The following KIAA0586 variants were observed in gnomAD, a reference collection of about 807,000 sequenced individuals.
KIAA0586 encodes KIAA0586.
KIAA0586 carries 144 observed loss-of-function variants against 169.8 expected under a neutral mutation model. The observed-to-expected ratio is 0.85, with a 90% CI of 0.74 to 0.97. The LOEUF is 0.97. KIAA0586 is among the 50% of genes least tolerant of loss of function. The pLI is 0.00. For missense variants in KIAA0586, 1,854 were observed against 1,823.0 expected, an observed-to-expected ratio of 1.02 and a Z score of -0.31; for synonymous variants, 625 against 612.4, an observed-to-expected ratio of 1.02 and a Z score of -0.30.
intron 14 of KIAA0586, among the ~76,000 whole-genome samples, chr14:58,462,027 T>C (rs374831495): frequency 6.6e-6 from 1 of 152,236 alleles, no homozygotes; most frequent in Non-Finnish European, 1.5e-5. Context: ...TGATAACTAG[T>C]AGATACAAAC....
Position 58,442,822 on chromosome 14 carries a change from C to G in KIAA0586, c.527C>G (p.Ala176Gly), listed in dbSNP as rs759270373. The part of the protein sequence containing the change: ...TRISPSGIDS[A>G]TTVAAATAAA... ...ATTTCACCCAGTGGAATTGATTCAG[C>G]TACAACCGTGGCTGCAGCAACTGCT... is the stretch of plus-strand genomic sequence containing the variant. The change falls in exon 5 of 31, where the codon GCT (alanine) becomes GGT (glycine). Residue 176 changes from alanine to glycine, a missense_variant. Ala to Gly is a moderately conservative substitution (Grantham distance 60, BLOSUM62 0). Transcript: ENST00000652326. 1.9e-6 allele frequency: 3 copies of G among 1,610,790 alleles called. No individual in the cohort carries two copies. In the East Asian group the frequency reaches 6.7e-5, roughly 36 times the overall value.
At chr14:58,557,901 C>CTT in the KIAA0586 span, among the ~76,000 whole-genome samples, 1,135 of 42,486 alleles carry the variant, frequency 0.027, 298 homozygotes, top group Middle Eastern at 0.065. Flanking sequence ...CCTGAGAAAT[C>CTT]TTTTTTTTTT....
chr14:58,435,320 C>G (rs1158825770), intron 4 of KIAA0586, among the ~76,000 whole-genome samples: 1 of 151,880 alleles, frequency 6.6e-6, no homozygotes, highest in African/African-American at 2.4e-5. Flanking sequence ...CATTTTATGC[C>G]CATATCTTCT....
chr14:58,518,225 A>G (rs1325967225), intron 29 of KIAA0586, among the ~76,000 whole-genome samples: 2 of 152,196 alleles, frequency 1.3e-5, no homozygotes, highest in East Asian at 3.8e-4. Flanking sequence ...TGTTGTTAAA[A>G]GGTGTGTAAA....
chr14:58,461,152 G>C lies in KIAA0586; in HGVS notation c.2051G>C (p.Arg684Pro), dbSNP rs547990270. Residue 684 changes from arginine (R) to proline (P), a missense_variant, in exon 14 of 31, where the codon CGA becomes CCA. Arg to Pro is a moderately radical substitution (Grantham distance 103). Coordinates refer to ENST00000652326, the MANE Select transcript of KIAA0586 (RefSeq NM_001329943.3). ...CCACAGAGACCAAAAGTAATAGAAC[G>C]AGTTAAAGGTAAGGAATCTCATTTT... ...SRPQRPKVIERVKGTKVKSIR... is the reference protein window; with the variant it reads ...SRPQRPKVIEPVKGTKVKSIR... 6.4e-7 allele frequency: 1 copy of C among 1,565,828 alleles called. No homozygotes were observed. The highest frequency in any genetic ancestry group is 1.4e-5 in the African/African-American group (1 of 72,064).
chr14:58,490,115 A>G, intron 24 of KIAA0586, 49 bp from the exon 25 acceptor site: 5 of 886,776 alleles, frequency 5.6e-6, no homozygotes, highest in East Asian at 2.9e-5. Context: ...ATTATTTACT[A>G]AGTTTGTGTT....
chr14:58,430,863 A>G (rs1460322707), intron 3 of KIAA0586, 146 bp downstream of exon 3: 2 of 568,892 alleles, frequency 3.5e-6, no homozygotes, highest in East Asian at 6.1e-5. Context: ...GAGCTTTGTC[A>G]TCTCTCCCAA....
At chr14:58,557,997 C>T in the KIAA0586 span, among the ~76,000 whole-genome samples, 3 of 141,676 alleles carry the variant, frequency 2.1e-5, no homozygotes, top group Non-Finnish European at 4.5e-5. Flanking sequence ...AAAACCTCCA[C>T]CTATCGGGTT....
chr14:58,490,272 T>A, intron 25 of KIAA0586, 32 bp downstream of exon 25: 1 of 1,226,504 alleles, frequency 8.2e-7, no homozygotes, highest in Non-Finnish European at 1.1e-6. Flanking sequence ...CACTGAATTC[T>A]GACAGGAAGA....
At chr14:58,500,459 A>G (rs2043483289) in intron 27 of KIAA0586, among the ~76,000 whole-genome samples, 1 of 152,146 alleles carries the variant, frequency 6.6e-6, no homozygotes, top group Non-Finnish European at 1.5e-5. Context: ...GTAATCCAGC[A>G]CTTTGGGAGG....
chr14:58,534,662 A>G lies in KIAA0586; in HGVS notation c.4430-5409A>G, dbSNP rs140818034. The stretch of plus-strand genomic sequence containing the variant: ...TGCACTGGTATTTCAAGGTTTTAGG[A>G]AAAAAAAATAGAAAGGAATTCATCT... On this transcript the variant is annotated intron_variant, in intron 29 of 30. Coordinates refer to ENST00000652326, the MANE Select transcript of KIAA0586 (RefSeq NM_001329943.3). Among the ~76,000 whole-genome samples, 71 of 151,234 alleles carry G rather than the reference A, an allele frequency of 4.7e-4. No individual in the cohort carries two copies. The East Asian group carries it at 0.01, about 22-fold the overall frequency.
rs370569855 is a variant in KIAA0586 at position 58,490,248 on chromosome 14, A to G, written c.3858+8A>G. The G allele has an allele frequency of 4.1e-6, 6 of 1,474,902 alleles. No homozygotes were observed. Among genetic ancestry groups the G allele is most frequent in the Non-Finnish European group, 5.5e-6 (6 of 1,087,626 alleles). The allele number at this position is 1,474,902 out of a possible 1,614,324, so 91.4% of individuals were successfully genotyped here. A position where few individuals can be genotyped will look rare whatever the true frequency, so the allele number is the denominator to read the frequency against. On this transcript the variant is annotated splice_region_variant and intron_variant, in intron 25 of 30. Coordinates refer to ENST00000652326, the MANE Select transcript of KIAA0586 (RefSeq NM_001329943.3). Reference sequence around the variant, plus strand: ...CATGATGCCGTTGAAATGGTAAGTAACGATTGACTCCAACACTGAATTCTG... The same window carrying G: ...CATGATGCCGTTGAAATGGTAAGTAGCGATTGACTCCAACACTGAATTCTG...
chr14:58,538,402 A>G (rs552464268), intron 29 of KIAA0586, among the ~76,000 whole-genome samples: 1 of 152,094 alleles, frequency 6.6e-6, no homozygotes, highest in South Asian at 2.1e-4. Flanking sequence ...ATAAAAATCC[A>G]CCCAAAAATT....
intron 29 of KIAA0586, among the ~76,000 whole-genome samples, chr14:58,529,175 T>C (rs1282282938): frequency 4.6e-5 from 7 of 152,148 alleles, no homozygotes; most frequent in Admixed American, 4.6e-4. Flanking sequence ...AATCCCTGAA[T>C]AGATCAATAA....
intron 4 of KIAA0586, among the ~76,000 whole-genome samples, chr14:58,442,432 G>C (rs1156733639): frequency 6.6e-6 from 1 of 152,074 alleles, no homozygotes; most frequent in African/African-American, 2.4e-5. Context: ...TGTACTTCTT[G>C]AAAATGTCTT....
chr14:58,554,955 G>C (rs1180990933), downstream of KIAA0586, among the ~76,000 whole-genome samples: 1 of 152,058 alleles, frequency 6.6e-6, no homozygotes, highest in African/African-American at 2.4e-5. Context: ...TGTTAGGAGA[G>C]AAATTCTGCA....
chr14:58,531,105 C>A (rs1318605501), intron 29 of KIAA0586, among the ~76,000 whole-genome samples: 3 of 150,100 alleles, frequency 2.0e-5, no homozygotes, highest in Non-Finnish European at 3.0e-5. Context: ...ATCACGAGGT[C>A]AGGAGATGGA....
intron 2 of KIAA0586, among the ~76,000 whole-genome samples, chr14:58,430,191 T>G (rs920310801): frequency 2.0e-5 from 3 of 151,940 alleles, no homozygotes; most frequent in African/African-American, 7.2e-5. Context: ...TAAGCAGGCC[T>G]TATTTAATGA....
chr14:58,467,775 A>G lies in KIAA0586; in HGVS notation c.2295A>G (p.Gly765=). The change falls in exon 16 of 31, where the codon GGA becomes GGG. Residue 765 remains glycine, a synonymous_variant. Coordinates refer to ENST00000652326, the MANE Select transcript of KIAA0586 (RefSeq NM_001329943.3). The part of the protein sequence containing the change: ...QSNSDTMPPA[G]VIVSKPHPVT... ...ATAGTGATACCATGCCACCTGCTGG[A>G]GTGATTGTCAGCAAGCCACACCCTG... 2 of 1,613,712 alleles carry G rather than the reference A, an allele frequency of 1.2e-6. No homozygotes were observed. The highest frequency in any genetic ancestry group is 2.2e-5 in the South Asian group (2 of 91,050).
Sources: gnomAD v4.1 joint callset for allele counts (sites outside exome capture counted in the v4.1 genomes callset) on GRCh38, gnomAD v4.1.1 for gene constraint, MANE v1.5 for transcripts, NCBI Gene and HGNC (gene_info 2026-07-23, HGNC 2026-07-21) for gene names.